ARMC9: variants seen among roughly 807,000 people sequenced by gnomAD.
The protein encoded by ARMC9 is armadillo repeat containing 9, also known as lisH domain-containing protein ARMC9.
In ARMC9, 94 loss-of-function variants were observed where a neutral mutation model predicts 107.0. The observed-to-expected ratio is 0.88, with a 90% CI of 0.74 to 1.04. ARMC9 has a LOEUF of 1.04. Ranked by LOEUF, ARMC9 falls within the 50% of genes least tolerant of loss-of-function variation. The pLI, the probability that ARMC9 is intolerant of heterozygous loss-of-function variation, is 0.00. For synonymous variants in ARMC9, 380 were observed against 396.9 expected, an observed-to-expected ratio of 0.96 and a Z score of 0.51; for missense variants, 942 against 1,030.1, an observed-to-expected ratio of 0.91 and a Z score of 1.17.
intron 9 of ARMC9, among the ~76,000 whole-genome samples, chr2:231,254,784 A>C (rs760532790): frequency 6.6e-6 from 1 of 152,208 alleles, no homozygotes; most frequent in Non-Finnish European, 1.5e-5. Flanking sequence ...ATGGATCCCC[A>C]AGTGCCCATC....
At chr2:231,351,393 A>G (rs2045073657) in intron 21 of ARMC9, among the ~76,000 whole-genome samples, 1 of 152,090 alleles carries the variant, frequency 6.6e-6, no homozygotes, top group African/African-American at 2.4e-5. Flanking sequence ...AATTCTGTTT[A>G]TGTTGAATAT....
intron 12 of ARMC9, among the ~76,000 whole-genome samples, chr2:231,265,866 T>C (rs2038811520): frequency 6.6e-6 from 1 of 151,636 alleles, no homozygotes. Context: ...AAATTAGCCA[T>C]GTATGGTGGT....
At chr2:231,311,749 G>A (rs2042361852) in intron 19 of ARMC9, among the ~76,000 whole-genome samples, 2 of 123,774 alleles carry the variant, frequency 1.6e-5, no homozygotes, top group South Asian at 5.9e-4. Context: ...TAGCCTGGGT[G>A]ACAAAGTAAG....
chr2:231,283,757 G>A (rs139068698), intron 17 of ARMC9, among the ~76,000 whole-genome samples: 148 of 152,212 alleles, frequency 9.7e-4, no homozygotes, highest in African/African-American at 3.5e-3. Flanking sequence ...TTGAGACAGG[G>A]TCTTGCTCTT....
intron 19 of ARMC9, among the ~76,000 whole-genome samples, chr2:231,307,714 CAT>C (rs1279056438): frequency 6.6e-6 from 1 of 152,252 alleles, no homozygotes; most frequent in African/African-American, 2.4e-5. Context: ...TTTATCCCAT[CAT>C]TGCTGTCAAC....
chr2:231,241,298 C>T (rs1881482), intron 9 of ARMC9, among the ~76,000 whole-genome samples: 17,971 of 151,962 alleles, frequency 0.12, 2,076 homozygotes, highest in African/African-American at 0.29. Context: ...AGGCCAAATA[C>T]GACGTCGGTG....
intron 2 of ARMC9, among the ~76,000 whole-genome samples, chr2:231,207,131 G>C (rs139132932): frequency 1.4e-3 from 207 of 151,572 alleles, no homozygotes; most frequent in African/African-American, 4.9e-3. Context: ...CAGCCTCCTG[G>C]GTAGCTGAGA....
chr2:231,308,734 A>G (rs1485206848), intron 19 of ARMC9, among the ~76,000 whole-genome samples: 1 of 152,212 alleles, frequency 6.6e-6, no homozygotes, highest in East Asian at 1.9e-4. Flanking sequence ...TTTGCATTCC[A>G]TACGCAGAGA....
At chr2:231,248,820 A>AG in intron 9 of ARMC9, among the ~76,000 whole-genome samples, 1 of 151,116 alleles carries the variant, frequency 6.6e-6, no homozygotes, top group East Asian at 1.9e-4. Flanking sequence ...AAAAAAAAAA[A>AG]AAAAAAAAAA....
chr2:231,370,452 C>G, intron 24 of ARMC9: 1 of 253,642 alleles, frequency 3.9e-6, no homozygotes, highest in African/African-American at 2.2e-5. Flanking sequence ...ACAGAGTTGG[C>G]CCTGAGCTGG....
chr2:231,331,848 A>G lies in ARMC9; in HGVS notation c.1829A>G (p.Gln610Arg), dbSNP rs765901201. 6.2e-7 allele frequency: 1 copy of G among 1,614,094 alleles called. No individual in the cohort carries two copies. Among genetic ancestry groups the G allele is most frequent in the Admixed American group, 1.7e-5 (1 of 60,014 alleles). Residue 610 changes from glutamine (Q) to arginine (R), a missense_variant, in exon 20 of 25, where the codon CAG becomes CGG. Transcript: ENST00000611582. ...DLDKDELIQP[Q>R]LGELSGEKLL... ...GACAAAGACGAACTGATCCAGCCCC[A>G]GCTCGGAGAACTCTCAGGAGAGAAG... is the stretch of plus-strand genomic sequence containing the variant.
intron 19 of ARMC9, among the ~76,000 whole-genome samples, chr2:231,320,624 C>CT (rs1226573370): frequency 1.5e-4 from 22 of 151,336 alleles, no homozygotes; most frequent in Admixed American, 1.3e-3. Context: ...ACTCGCTGGT[C>CT]TTTCTTCTGG....
chr2:231,231,762 C>G lies in ARMC9; in HGVS notation c.623-3462C>G, dbSNP rs1197368117. ...GGAGTGCAGTGGCGTGATCTTGGCT[C>G]ACTGCAACCTCCTGCTCCCGGGTTC... On this transcript the variant is annotated intron_variant, in intron 7 of 24. Transcript: ENST00000611582. Among the ~76,000 whole-genome samples, 4 of 151,698 alleles carry G rather than the reference C, an allele frequency of 2.6e-5. No homozygotes were observed. In the East Asian group the frequency reaches 7.7e-4, roughly 29 times the overall value.
rs1433264023 is a variant in ARMC9 at position 231,339,577 on chromosome 2, C to G, written c.1879-5398C>G. On this transcript the variant is annotated intron_variant, in intron 20 of 24. Coordinates refer to ENST00000611582, the MANE Select transcript of ARMC9 (RefSeq NM_001352754.2). ...TCAGCCTCTCAGAGTGCTGGGATAACAGGTGTAAGCCACTGTGCATGACCC... is the reference window on the plus strand; with the variant it reads ...TCAGCCTCTCAGAGTGCTGGGATAAGAGGTGTAAGCCACTGTGCATGACCC... Among the ~76,000 whole-genome samples, 6 of 152,280 alleles carry G rather than the reference C, an allele frequency of 3.9e-5. No homozygotes were observed. In the East Asian group the frequency reaches 1.2e-3, roughly 29 times the overall value.
At chr2:231,366,183 G>A (rs1461549253) in intron 23 of ARMC9, among the ~76,000 whole-genome samples, 1 of 152,214 alleles carries the variant, frequency 6.6e-6, no homozygotes, top group Non-Finnish European at 1.5e-5. Context: ...AAGGCCATCA[G>A]TTGGCAGAAC....
chr2:231,334,178 A>G (rs2043929290), intron 20 of ARMC9, among the ~76,000 whole-genome samples: 1 of 152,382 alleles, frequency 6.6e-6, no homozygotes, highest in Admixed American at 6.5e-5. Context: ...CACTGTGAAG[A>G]TGGGAAGAGC....
At chr2:231,279,423 G>A (rs980098326) in intron 16 of ARMC9, among the ~76,000 whole-genome samples, 2 of 151,896 alleles carry the variant, frequency 1.3e-5, no homozygotes, top group Non-Finnish European at 2.9e-5. Flanking sequence ...AGACCCAGGG[G>A]TATATCTGAG....
At chr2:231,341,765 AT>A (rs1391167290) in intron 20 of ARMC9, among the ~76,000 whole-genome samples, 3 of 152,068 alleles carry the variant, frequency 2.0e-5, no homozygotes, top group African/African-American at 7.2e-5. Flanking sequence ...TTAGTAAGAA[AT>A]TTTTTTTACC....
At chr2:231,287,175 C>T (rs1460818212) in intron 17 of ARMC9, among the ~76,000 whole-genome samples, 2 of 152,230 alleles carry the variant, frequency 1.3e-5, no homozygotes, top group Admixed American at 1.3e-4. Flanking sequence ...CTGCTCTGCT[C>T]CAGTGACCCT....
Sources: allele counts gnomAD v4.1 joint callset (sites outside exome capture counted in the v4.1 genomes callset), GRCh38; gene constraint gnomAD v4.1.1; transcripts MANE v1.5; gene names NCBI Gene and HGNC (gene_info 2026-07-23, HGNC 2026-07-21).